AGBL1: variants seen among roughly 807,000 people sequenced by gnomAD.
AGBL1 encodes cytosolic carboxypeptidase 4.
AGBL1 carries 130 observed loss-of-function variants against 118.9 expected under a neutral mutation model. The observed-to-expected ratio is 1.09, with a 90% CI of 0.95 to 1.26. The LOEUF (loss-of-function observed/expected upper bound fraction) is 1.26, where lower values mean the gene tolerates loss of function less well. Among genes scored for constraint, AGBL1 ranks in the 50% most tolerant of loss-of-function variants. The probability of loss-of-function intolerance (pLI) is 0.00; values close to 1 mark genes in which losing one functional copy is unlikely to be tolerated. For synonymous variants in AGBL1, 555 were observed against 478.9 expected (o/e 1.16, Z -2.08); for missense variants, 1,584 against 1,298.1 (o/e 1.22, Z -3.38).
At position 86,911,845 on chromosome 15, in the gene AGBL1, C is replaced by T. The variant is rs1488704052; in HGVS notation, c.*4551C>T. On this transcript the variant is annotated 3_prime_UTR_variant, in exon 23 of 23. Coordinates refer to ENST00000614907, the MANE Select transcript of AGBL1 (RefSeq NM_001386094.1). ...TATATATAATCTCTCTTCCATGCCC[C>T]TGTTGCACTGTTTATATATCTCTTT... 1 of 152,118 alleles carries T rather than the reference C, an allele frequency of 6.6e-6. No individual in the cohort carries two copies. The highest frequency in any genetic ancestry group is 1.9e-4 in the East Asian group (1 of 5,182). The allele number at this position is 152,118 out of a possible 1,614,324, so 9.4% of individuals were successfully genotyped here.
intron 19 of AGBL1, among the ~76,000 whole-genome samples, chr15:86,533,244 T>A (rs1395911310): frequency 1.1e-5 from 1 of 94,400 alleles, no homozygotes; most frequent in African/African-American, 5.9e-5. Context: ...GAATCTACAA[T>A]GAACTCAAAC....
intron 21 of AGBL1, among the ~76,000 whole-genome samples, chr15:86,627,783 G>C (rs565822926): frequency 3.3e-5 from 5 of 152,322 alleles, no homozygotes; most frequent in African/African-American, 1.2e-4. Context: ...AGTAGTGGCA[G>C]GGACCTCAGG....
intron 22 of AGBL1, among the ~76,000 whole-genome samples, chr15:86,706,834 G>A (rs989645995): frequency 6.6e-6 from 1 of 152,090 alleles, no homozygotes; most frequent in South Asian, 2.1e-4. Context: ...GCACTAATTT[G>A]TTGTGGAATA....
chr15:86,231,091 C>T (rs904221456), intron 6 of AGBL1, among the ~76,000 whole-genome samples: 1 of 152,104 alleles, frequency 6.6e-6, no homozygotes, highest in Admixed American at 6.5e-5. Flanking sequence ...TTCATAGAAC[C>T]TTATGTTTAT....
At chr15:86,543,820 T>C (rs973409170) in intron 19 of AGBL1, among the ~76,000 whole-genome samples, 6 of 152,224 alleles carry the variant, frequency 3.9e-5, no homozygotes, top group African/African-American at 1.4e-4. Context: ...ATATCCATCT[T>C]ATTCATCTCC....
At chr15:86,416,498 G>T (rs1286572851) in intron 18 of AGBL1, among the ~76,000 whole-genome samples, 4 of 152,094 alleles carry the variant, frequency 2.6e-5, no homozygotes, top group Non-Finnish European at 5.9e-5. Context: ...TGGAAACTCA[G>T]CCAGCAAGAC....
At chr15:86,378,428 C>A (rs867237999) in intron 17 of AGBL1, among the ~76,000 whole-genome samples, 2 of 152,118 alleles carry the variant, frequency 1.3e-5, no homozygotes, top group African/African-American at 4.8e-5. Flanking sequence ...GGTCTGTCTC[C>A]AGGGGCCAGT....
chr15:86,903,946 T>A (rs934920617), intron 22 of AGBL1, among the ~76,000 whole-genome samples: 2 of 137,620 alleles, frequency 1.5e-5, no homozygotes, highest in African/African-American at 5.6e-5. Context: ...GCCACATTAT[T>A]ACCCAGTGGG....
At chr15:86,100,642 C>T (rs1896658026) in intron 1 of AGBL1, among the ~76,000 whole-genome samples, 2 of 151,930 alleles carry the variant, frequency 1.3e-5, no homozygotes, top group South Asian at 4.2e-4. Context: ...TCTTCAGTTT[C>T]TTGCTGCATA....
intron 5 of AGBL1, among the ~76,000 whole-genome samples, chr15:86,175,275 C>A (rs547917680): frequency 1.2e-4 from 18 of 152,012 alleles, no homozygotes; most frequent in African/African-American, 4.3e-4. Context: ...TCATCATTTT[C>A]CTCTAGGTTT....
intron 22 of AGBL1, among the ~76,000 whole-genome samples, chr15:86,782,361 A>G (rs1300224901): frequency 6.6e-6 from 1 of 152,146 alleles, no homozygotes; most frequent in Non-Finnish European, 1.5e-5. Flanking sequence ...ATTCCAAGAT[A>G]TATATTATTC....
chr15:86,351,038 C>T (rs545417064), intron 17 of AGBL1, among the ~76,000 whole-genome samples: 2 of 152,310 alleles, frequency 1.3e-5, no homozygotes, highest in East Asian at 3.9e-4. Flanking sequence ...CTGGTCTGAC[C>T]TAAGCACTTT....
At chr15:87,028,792 A>T (rs751843427) in intron 24 of AGBL1, 1 of 1,594,576 alleles carries the variant, frequency 6.3e-7, no homozygotes, top group African/African-American at 1.3e-5. Context: ...GGCTTCAAGC[A>T]TAGTAATTAA....
At chr15:86,434,280 T>C (rs1013498079) in intron 18 of AGBL1, among the ~76,000 whole-genome samples, 1 of 152,212 alleles carries the variant, frequency 6.6e-6, no homozygotes, top group Non-Finnish European at 1.5e-5. Context: ...TCTGACAACA[T>C]GTGTCTAAAA....
chr15:86,791,559 G>T (rs2078493432), intron 22 of AGBL1, among the ~76,000 whole-genome samples: 2 of 151,970 alleles, frequency 1.3e-5, no homozygotes. Context: ...ACACAGAAAT[G>T]TTGCCTACCT....
At chr15:86,804,333 T>C (rs1212924191) in intron 22 of AGBL1, among the ~76,000 whole-genome samples, 1 of 152,160 alleles carries the variant, frequency 6.6e-6, no homozygotes, top group African/African-American at 2.4e-5. Context: ...TTACTGACTG[T>C]TGAGAAATTT....
At chr15:86,082,073 A>C (rs1350940431) in intron 1 of AGBL1, among the ~76,000 whole-genome samples, 1 of 152,196 alleles carries the variant, frequency 6.6e-6, no homozygotes, top group Non-Finnish European at 1.5e-5. Context: ...TTGGTTTAGA[A>C]TTGACCTGGG....
intron 22 of AGBL1, among the ~76,000 whole-genome samples, chr15:86,822,721 C>T (rs527640554): frequency 6.0e-4 from 91 of 152,188 alleles, no homozygotes; most frequent in African/African-American, 2.2e-3. Context: ...CAGGGACTTA[C>T]AACAGAAGCC....
chr15:86,582,511 C>G (rs566012171), intron 21 of AGBL1, among the ~76,000 whole-genome samples: 4 of 151,992 alleles, frequency 2.6e-5, no homozygotes, highest in Non-Finnish European at 4.4e-5. Context: ...CCCATTACTG[C>G]GTATATACCC....
Sources: gnomAD v4.1 joint callset for allele counts (sites outside exome capture counted in the v4.1 genomes callset) on GRCh38, gnomAD v4.1.1 for gene constraint, MANE v1.5 for transcripts, NCBI Gene and HGNC (gene_info 2026-07-23, HGNC 2026-07-21) for gene names.